Variants in ATP8A2 observed in about 807,000 individuals in gnomAD.
ATP8A2 encodes ATPase phospholipid transporting 8A2.
ATP8A2 carries 100 observed loss-of-function variants against 165.6 expected under a neutral mutation model. That is an observed-to-expected ratio of 0.60 (90% CI 0.51 to 0.71). The LOEUF is 0.71. Ranked by LOEUF, ATP8A2 falls within the 30% of genes least tolerant of loss-of-function variation. The probability of loss-of-function intolerance (pLI) is 0.00; values close to 1 mark genes in which losing one functional copy is unlikely to be tolerated. For missense variants in ATP8A2, 1,227 were observed against 1,479.5 expected (o/e 0.83, Z 2.80); for synonymous variants, 543 against 548.8 (o/e 0.99, Z 0.15).
chr13:25,699,277 G>A lies in ATP8A2; in HGVS notation c.2316G>A (p.Ala772=), dbSNP rs757284272. 11 of 1,613,584 alleles carry A rather than the reference G, an allele frequency of 6.8e-6. No individual in the cohort carries two copies. Among genetic ancestry groups the A allele is most frequent in the Admixed American group, 1.7e-5 (1 of 59,962 alleles). The change falls in exon 25 of 37, where the codon GCG becomes GCA. Residue 772 remains alanine, a synonymous_variant. Transcript: ENST00000381655. Reference sequence around the variant, plus strand: ...TCGATGGCCACACCCTGAAGTACGCGCTCTCCTTCGAAGTCCGGAGGAGTT... The same window carrying A: ...TCGATGGCCACACCCTGAAGTACGCACTCTCCTTCGAAGTCCGGAGGAGTT... ...LIIDGHTLKY[A]LSFEVRRSFL...
intron 33 of ATP8A2, among the ~76,000 whole-genome samples, chr13:25,899,525 G>A (rs1469893146): frequency 1.3e-5 from 2 of 152,188 alleles, no homozygotes; most frequent in Non-Finnish European, 2.9e-5. Context: ...AGATGGCAGG[G>A]ATAATAGAGG....
intron 33 of ATP8A2, among the ~76,000 whole-genome samples, chr13:25,939,609 A>G (rs958039557): frequency 2.0e-5 from 3 of 152,130 alleles, no homozygotes; most frequent in African/African-American, 7.2e-5. Context: ...CCATGTCTTC[A>G]TACTCTTTTG....
chr13:25,860,508 C>G (rs1952315676), intron 31 of ATP8A2, among the ~76,000 whole-genome samples: 1 of 152,144 alleles, frequency 6.6e-6, no homozygotes, highest in South Asian at 2.1e-4. Context: ...CATTTTACAC[C>G]TACCTGCAAA....
chr13:25,447,514 G>A (rs1049697793), intron 1 of ATP8A2, among the ~76,000 whole-genome samples: 1 of 152,188 alleles, frequency 6.6e-6, no homozygotes, highest in African/African-American at 2.4e-5. Flanking sequence ...GGGAGCAGGT[G>A]CAGGAGCTGG....
At chr13:25,906,838 A>C (rs985375184) in intron 33 of ATP8A2, among the ~76,000 whole-genome samples, 2 of 152,200 alleles carry the variant, frequency 1.3e-5, no homozygotes, top group Non-Finnish European at 2.9e-5. Flanking sequence ...TCAACTCTGT[A>C]CTTGGAGCAT....
In ATP8A2 at chr13:25,953,759, C is replaced by CT. The variant is rs1350198169; in HGVS notation, c.3184-7815dup. Among the ~76,000 whole-genome samples the CT allele has an allele frequency of 3.3e-5, 5 of 152,078 alleles. No individual in the cohort carries two copies. Among genetic ancestry groups the CT allele is most frequent in the Non-Finnish European group, 4.4e-5 (3 of 68,024 alleles). On this transcript the variant is annotated intron_variant, in intron 33 of 36. Transcript: ENST00000381655. This position sits in a 1 kb window ranked among gnomAD's most constrained non-coding sequence, Gnocchi z 6.7. Reference sequence around the variant, plus strand: ...CCGGGAAGCACAGGGGATTGAGGAACTCCCTCCCCTAGCCGAGGGAAGCCG... The same window carrying CT: ...CCGGGAAGCACAGGGGATTGAGGAACTTCCCTCCCCTAGCCGAGGGAAGCCG...
At chr13:25,631,673 C>T (rs1456007789) in intron 24 of ATP8A2, among the ~76,000 whole-genome samples, 1 of 152,022 alleles carries the variant, frequency 6.6e-6, no homozygotes, top group Non-Finnish European at 1.5e-5. Context: ...GTGGGTTGCT[C>T]ATATACCTTT....
intron 30 of ATP8A2, among the ~76,000 whole-genome samples, chr13:25,850,270 A>G (rs1951972050): frequency 6.6e-6 from 1 of 152,196 alleles, no homozygotes; most frequent in African/African-American, 2.4e-5. Context: ...TGGAGAACAC[A>G]GGTTTGGTGA....
intron 24 of ATP8A2, among the ~76,000 whole-genome samples, chr13:25,641,641 A>G (rs1172610128): frequency 3.3e-5 from 5 of 152,084 alleles, no homozygotes; most frequent in Admixed American, 2.0e-4. Context: ...ATGCTCATGG[A>G]TAGGAAGAAT....
chr13:25,561,425 A>C (rs2039150845), intron 15 of ATP8A2, among the ~76,000 whole-genome samples: 1 of 151,364 alleles, frequency 6.6e-6, no homozygotes, highest in Admixed American at 6.6e-5. Flanking sequence ...ATCCTTCGTC[A>C]TGAGTTTTCT....
chr13:25,432,292 G>C (rs2034637303), intron 1 of ATP8A2, among the ~76,000 whole-genome samples: 1 of 152,172 alleles, frequency 6.6e-6, no homozygotes, highest in South Asian at 2.1e-4. Context: ...AGTTTACCTC[G>C]GAGGTCCTTG....
intron 8 of ATP8A2, 129 bp from the exon 9 acceptor site, chr13:25,541,790 T>A: frequency 1.0e-6 from 1 of 958,716 alleles, no homozygotes. Flanking sequence ...ACAGTTTGAC[T>A]TGTTAGCCCC....
intron 16 of ATP8A2, 105 bp downstream of exon 16, chr13:25,564,136 A>C: frequency 2.5e-6 from 2 of 798,700 alleles, no homozygotes; most frequent in South Asian, 2.9e-5. Context: ...AGCATGGGAA[A>C]AGTCTCGACT....
At chr13:25,916,053 A>C (rs909514509) in intron 33 of ATP8A2, among the ~76,000 whole-genome samples, 4 of 152,346 alleles carry the variant, frequency 2.6e-5, no homozygotes, top group Admixed American at 2.0e-4. Context: ...ACATGAAGCC[A>C]GTGCTATTTA....
At chr13:25,700,721 A>G (rs1013214690) in intron 25 of ATP8A2, among the ~76,000 whole-genome samples, 1 of 152,214 alleles carries the variant, frequency 6.6e-6, no homozygotes, top group African/African-American at 2.4e-5. Context: ...GTACGTGCCT[A>G]GAAATGGAGT....
chr13:25,568,267 A>C (rs1403261405), intron 16 of ATP8A2, among the ~76,000 whole-genome samples: 1 of 152,202 alleles, frequency 6.6e-6, no homozygotes, highest in Non-Finnish European at 1.5e-5. Context: ...AAATTTTCAA[A>C]GGTTCACCAA....
intron 33 of ATP8A2, among the ~76,000 whole-genome samples, chr13:25,885,857 G>C (rs188082538): frequency 8.5e-5 from 13 of 152,220 alleles, no homozygotes; most frequent in African/African-American, 2.4e-4. Flanking sequence ...ATTCTCTCTT[G>C]CCCTGGGTAA....
intron 33 of ATP8A2, among the ~76,000 whole-genome samples, chr13:25,938,100 TAA>T (rs1954967569): frequency 6.6e-6 from 1 of 151,772 alleles, no homozygotes; most frequent in East Asian, 1.9e-4. Flanking sequence ...GAAATGTAGC[TAA>T]AGTGTTTCCA....
At chr13:25,653,626 A>G (rs2041863887) in intron 24 of ATP8A2, among the ~76,000 whole-genome samples, 1 of 152,172 alleles carries the variant, frequency 6.6e-6, no homozygotes, top group African/African-American at 2.4e-5. Flanking sequence ...TAAAAACAAG[A>G]TTTTTGTTTT....
Sources: gnomAD v4.1 joint callset for allele counts (sites outside exome capture counted in the v4.1 genomes callset) on GRCh38, gnomAD v4.1.1 for gene constraint, Gnocchi (gnomAD v3.1) non-coding constraint, MANE v1.5 for transcripts, NCBI Gene and HGNC (gene_info 2026-07-23, HGNC 2026-07-21) for gene names.